The following SDK1 variants were observed in gnomAD, a reference collection of about 807,000 sequenced individuals.
The protein encoded by SDK1 is protein sidekick-1.
A neutral mutation model predicts 245.5 loss-of-function variants in SDK1; 157 were observed. That is an observed-to-expected ratio of 0.64 (90% confidence interval 0.56 to 0.73). The LOEUF is 0.73. Ranked by LOEUF, SDK1 falls within the 30% of genes least tolerant of loss-of-function variation. The pLI is 0.00. For missense variants in SDK1, 3,583 were observed against 3,002.3 expected, an observed-to-expected ratio of 1.19 and a Z score of -4.52; for synonymous variants, 1,647 against 1,278.5, an observed-to-expected ratio of 1.29 and a Z score of -6.15.
intron 35 of SDK1, among the ~76,000 whole-genome samples, chr7:4,183,039 G>C (rs549200027): frequency 8.5e-4 from 129 of 152,284 alleles, no homozygotes; most frequent in African/African-American, 3.0e-3. Context: ...GGATAGTTTG[G>C]TGGGCGTGGG....
intron 1 of SDK1, among the ~76,000 whole-genome samples, chr7:3,380,192 A>C (rs1394955105): frequency 6.6e-6 from 1 of 152,234 alleles, no homozygotes; most frequent in African/African-American, 2.4e-5. Flanking sequence ...GCTTATGTAA[A>C]TGCAGAGTTT....
intron 4 of SDK1, among the ~76,000 whole-genome samples, chr7:3,754,496 G>A (rs972398043): frequency 6.6e-6 from 1 of 151,672 alleles, no homozygotes; most frequent in African/African-American, 2.4e-5. Flanking sequence ...ATTCTATCAA[G>A]GTCAGTAACA....
At position 4,017,298 on chromosome 7, in the gene SDK1, G is replaced by C. The variant is rs549500685; in HGVS notation, c.2548G>C (p.Gly850Arg). The change falls in exon 17 of 45, where the codon GGG (glycine) becomes CGG (arginine). Residue 850 changes from glycine (G) to arginine (R), a missense_variant. By Grantham distance (125) the Gly-to-Arg change is moderately radical (BLOSUM62 -2). Coordinates refer to ENST00000404826, the MANE Select transcript of SDK1 (RefSeq NM_152744.4). ...TGAGATACAGGTGGCGGCGTACAACGGGGCCGGTCTGGGCGTCTTCAGCAG... is the reference window on the plus strand; with the variant it reads ...TGAGATACAGGTGGCGGCGTACAACCGGGCCGGTCTGGGCGTCTTCAGCAG... Reference protein sequence around the residue: ...QYEIQVAAYNGAGLGVFSRAV... With the variant: ...QYEIQVAAYNRAGLGVFSRAV... 30 of 1,613,828 alleles carry C rather than the reference G, an allele frequency of 1.9e-5. No individual in the cohort carries two copies. The highest frequency in any genetic ancestry group is 2.2e-5 in the Non-Finnish European group (26 of 1,179,906).
intron 5 of SDK1, among the ~76,000 whole-genome samples, chr7:3,852,075 G>A (rs1487580733): frequency 6.6e-6 from 1 of 152,114 alleles, no homozygotes; most frequent in East Asian, 1.9e-4. Flanking sequence ...GGTCTGCTTT[G>A]TGCAGAGCAG....
intron 13 of SDK1, among the ~76,000 whole-genome samples, chr7:3,979,498 A>G (rs1783228928): frequency 6.6e-6 from 1 of 152,152 alleles, no homozygotes; most frequent in South Asian, 2.1e-4. Flanking sequence ...ATACAGTAGG[A>G]ACCTAATAAA....
intron 1 of SDK1, among the ~76,000 whole-genome samples, chr7:3,401,701 T>A (rs1778891803): frequency 6.6e-6 from 1 of 152,148 alleles, no homozygotes; most frequent in Admixed American, 6.5e-5. Flanking sequence ...TTTTTTTTTT[T>A]ATTATGGAGA....
chr7:3,625,772 T>A (rs1458843331), intron 2 of SDK1, among the ~76,000 whole-genome samples: 2 of 152,076 alleles, frequency 1.3e-5, no homozygotes, highest in African/African-American at 4.8e-5. Context: ...CTGGCTGTGG[T>A]GCCAGAGAAT....
Position 3,349,963 on chromosome 7 carries a change from G to T in SDK1, c.298+48079G>T, listed in dbSNP as rs537106454. On this transcript the variant is annotated intron_variant, in intron 1 of 44. Coordinates refer to ENST00000404826, the MANE Select transcript of SDK1 (RefSeq NM_152744.4). ...GGTAGATACAGAAGGTTTACTCCTT[G>T]GGCAGTGCTGGACTCTTGATGAAGT... Among the ~76,000 whole-genome samples the T allele has an allele frequency of 3.3e-5, 5 of 152,290 alleles. No homozygotes were observed. The South Asian group carries it at 1.0e-3, about 32-fold the overall frequency.
Position 3,675,153 on chromosome 7 carries a change from A to G in SDK1, c.713+33048A>G, listed in dbSNP as rs115786484. Among the ~76,000 whole-genome samples the G allele has an allele frequency of 1.2e-3, 184 of 152,268 alleles. 1 individual carries two copies. The highest frequency in any genetic ancestry group is 4.3e-3 in the African/African-American group (179 of 41,552). ...TCCATGCCCCAAACCTGCTCCACCC[A>G]TAGTCTATATCATATCATTTCATGG... On this transcript the variant is annotated intron_variant, in intron 4 of 44. Transcript: ENST00000404826.
At chr7:3,977,884 A>T (rs1254790310) in intron 13 of SDK1, among the ~76,000 whole-genome samples, 2 of 152,198 alleles carry the variant, frequency 1.3e-5, no homozygotes, top group Non-Finnish European at 2.9e-5. Context: ...GAATGAATGA[A>T]TGTGTGTCTG....
intron 35 of SDK1, among the ~76,000 whole-genome samples, chr7:4,205,603 A>G (rs1400655933): frequency 6.6e-6 from 1 of 152,204 alleles, no homozygotes; most frequent in African/African-American, 2.4e-5. Context: ...GCAATTCTAT[A>G]TATTTTATTG....
intron 4 of SDK1, among the ~76,000 whole-genome samples, chr7:3,801,919 G>A (rs1282748290): frequency 6.6e-6 from 1 of 152,216 alleles, no homozygotes; most frequent in Non-Finnish European, 1.5e-5. Context: ...ACCAGCTGGA[G>A]GATGAAACAG....
intron 5 of SDK1, among the ~76,000 whole-genome samples, chr7:3,855,914 T>C (rs1413476261): frequency 6.6e-6 from 1 of 152,174 alleles, no homozygotes; most frequent in East Asian, 1.9e-4. Flanking sequence ...AAAGCTTCAA[T>C]TAATGAATGG....
chr7:3,382,073 C>G (rs1353431989), intron 1 of SDK1, among the ~76,000 whole-genome samples: 1 of 152,112 alleles, frequency 6.6e-6, no homozygotes, highest in Non-Finnish European at 1.5e-5. Flanking sequence ...CAAGAAAAAC[C>G]TATGCAGTAG....
chr7:3,684,173 A>C (rs994068659), intron 4 of SDK1, among the ~76,000 whole-genome samples: 2 of 152,200 alleles, frequency 1.3e-5, no homozygotes, highest in Non-Finnish European at 2.9e-5. Flanking sequence ...CAGCAGGTCT[A>C]GCGTGGAGCT....
intron 1 of SDK1, among the ~76,000 whole-genome samples, chr7:3,593,860 T>A (rs1367731779): frequency 3.3e-5 from 5 of 152,186 alleles, no homozygotes; most frequent in African/African-American, 1.2e-4. Flanking sequence ...TGTGTGCCCG[T>A]TTTCTCATTT....
intron 5 of SDK1, among the ~76,000 whole-genome samples, chr7:3,877,324 T>TCAACTGAGGGAC (rs1387129420): frequency 2.6e-5 from 4 of 152,278 alleles, no homozygotes; most frequent in Middle Eastern, 3.4e-3. Context: ...GTTAGGAGGA[T>TCAACTGAGGGAC]CAACTGAGGG....
intron 5 of SDK1, among the ~76,000 whole-genome samples, chr7:3,921,496 G>A (rs1026700196): frequency 6.6e-6 from 1 of 152,172 alleles, no homozygotes; most frequent in Admixed American, 6.5e-5. Context: ...GAATTGTTGT[G>A]TTACACGATG....
At chr7:3,304,927 C>G (rs1779378147) in intron 1 of SDK1, among the ~76,000 whole-genome samples, 1 of 152,106 alleles carries the variant, frequency 6.6e-6, no homozygotes, top group Non-Finnish European at 1.5e-5. Context: ...TGAGACACCC[C>G]CTCCTCCCTC....
Sources: gnomAD v4.1 joint callset for allele counts (sites outside exome capture counted in the v4.1 genomes callset) on GRCh38, gnomAD v4.1.1 for gene constraint, MANE v1.5 for transcripts, NCBI Gene and HGNC (gene_info 2026-07-23, HGNC 2026-07-21) for gene names.